The following LMBR1 variants were observed in gnomAD, a reference collection of about 807,000 sequenced individuals.
The protein encoded by LMBR1 is limb region 1 protein homolog.
In LMBR1, 52 loss-of-function variants were observed where a neutral mutation model predicts 73.9. The ratio of observed to expected loss-of-function variants is 0.70; its 90% CI spans 0.56 to 0.89. LMBR1 has a LOEUF of 0.89. Ranked by LOEUF, LMBR1 falls within the 40% of genes least tolerant of loss-of-function variation. The pLI is 0.00. For missense variants in LMBR1, 539 were observed against 579.8 expected (o/e 0.93, Z 0.72); for synonymous variants, 215 against 209.4 (o/e 1.03, Z -0.23).
chr7:156,835,012 C>T (rs1837357200), intron 2 of LMBR1, among the ~76,000 whole-genome samples: 2 of 151,878 alleles, frequency 1.3e-5, no homozygotes, highest in South Asian at 4.2e-4. Context: ...CGGTGGCGGG[C>T]GTCTGTAATC....
chr7:156,713,231 TGAGAGA>T (rs146382877), intron 15 of LMBR1, among the ~76,000 whole-genome samples: 23 of 147,326 alleles, frequency 1.6e-4, no homozygotes, highest in Admixed American at 1.5e-3. Context: ...CTGCCGGGGG[TGAGAGA>T]GAGAGAGAGG....
chr7:156,892,711 A>G, intron 1 of LMBR1: 3 of 304,224 alleles, frequency 9.9e-6, no homozygotes, highest in Non-Finnish European at 1.8e-5. Flanking sequence ...GGGGGCAGGC[A>G]GAGGAAGCGA....
chr7:156,862,315 G>A (rs1374206933), intron 1 of LMBR1, among the ~76,000 whole-genome samples: 2 of 152,102 alleles, frequency 1.3e-5, no homozygotes, highest in Non-Finnish European at 2.9e-5. Context: ...CACAAGAACA[G>A]CAGGGGAAAG....
At chr7:156,847,993 C>T (rs564571556) in intron 1 of LMBR1, among the ~76,000 whole-genome samples, 2 of 151,698 alleles carry the variant, frequency 1.3e-5, no homozygotes, top group South Asian at 2.1e-4. Flanking sequence ...TTCATAATTG[C>T]CAAAACTTGG....
In LMBR1 at chr7:156,763,765, C is replaced by A; in HGVS notation, c.454G>T (p.Val152Phe). 6.2e-7 allele frequency: 1 copy of A among 1,600,776 alleles called. No individual in the cohort carries two copies. The highest frequency in any genetic ancestry group is 1.3e-5 in the African/African-American group (1 of 74,226). Residue 152 changes from valine (V) to phenylalanine (F), a missense_variant, in exon 6 of 17, where the codon GTC becomes TTC. By Grantham distance (50) the Val-to-Phe change is conservative. This residue lies in a region of LMBR1 where 454 missense variants were observed against 473.4 expected (regional missense o/e 0.96). Coordinates refer to ENST00000353442, the MANE Select transcript of LMBR1 (RefSeq NM_022458.4). ...AGTAACGCAAGAAGAAGAAGCATGA[C>A]CAAAGTCTCTAAAATGCGGGCTCGG... is the stretch of plus-strand genomic sequence containing the variant. ...GIRARILETLVMLLLLALLIL... is the reference protein window; with the variant it reads ...GIRARILETLFMLLLLALLIL...
chr7:156,857,643 AG>A (rs1338708539), intron 1 of LMBR1, among the ~76,000 whole-genome samples: 1 of 152,230 alleles, frequency 6.6e-6, no homozygotes, highest in Non-Finnish European at 1.5e-5. Context: ...ATCCAACAAT[AG>A]CACAATATGC....
intron 5 of LMBR1, among the ~76,000 whole-genome samples, chr7:156,774,034 A>G (rs2133092006): frequency 6.6e-6 from 1 of 151,996 alleles, no homozygotes; most frequent in African/African-American, 2.4e-5. Flanking sequence ...AAAAAAAACC[A>G]CACTAAAAAG....
At chr7:156,706,197 T>C (rs1187648707) in intron 15 of LMBR1, among the ~76,000 whole-genome samples, 1 of 142,160 alleles carries the variant, frequency 7.0e-6, no homozygotes, top group Non-Finnish European at 1.5e-5. Flanking sequence ...TATATAATGA[T>C]AAAGGGACCT....
intron 1 of LMBR1, among the ~76,000 whole-genome samples, chr7:156,851,960 A>C (rs1330620803): frequency 1.3e-5 from 2 of 152,186 alleles, no homozygotes; most frequent in Non-Finnish European, 2.9e-5. Context: ...CTCTGATTCA[A>C]TACTGTTATT....
At position 156,684,157 on chromosome 7, in the gene LMBR1, T is replaced by C. The variant is rs773251383; in HGVS notation, c.1394A>G (p.His465Arg). ...TGAAGTATTTGGTAAGTGAAGTTTA[T>C]GAAGCCCTGCAAAAAAATTAAGAAA... ...REELFKALGL[H>R]KLHLPNTSRD... The change falls in exon 17 of 17, where the codon CAT becomes CGT. Residue 465 changes from histidine to arginine, a missense_variant. His to Arg is a conservative substitution (Grantham distance 29). Around this residue, in one of 3 missense-constraint regions of LMBR1, gnomAD observed 69 missense variants for 68.5 expected, o/e 1.01. Coordinates refer to ENST00000353442, the MANE Select transcript of LMBR1 (RefSeq NM_022458.4). The C allele has an allele frequency of 2.5e-6, 4 of 1,613,562 alleles. No homozygotes were observed. The highest frequency in any genetic ancestry group is 3.4e-6 in the Non-Finnish European group (4 of 1,179,666).
intron 9 of LMBR1, among the ~76,000 whole-genome samples, chr7:156,742,935 G>A (rs1819175919): frequency 6.6e-6 from 1 of 152,098 alleles, no homozygotes; most frequent in South Asian, 2.1e-4. Flanking sequence ...TGCAAGGGTG[G>A]TTCAACATAT....
intron 4 of LMBR1, among the ~76,000 whole-genome samples, chr7:156,804,215 C>A (rs1831569859): frequency 1.3e-5 from 2 of 152,166 alleles, no homozygotes; most frequent in African/African-American, 4.8e-5. Context: ...GATATATACT[C>A]TTGTTTTTGT....
At chr7:156,737,772 C>T (rs534810459) in intron 9 of LMBR1, among the ~76,000 whole-genome samples, 77 of 152,124 alleles carry the variant, frequency 5.1e-4, no homozygotes, top group African/African-American at 1.4e-3. Flanking sequence ...AGGATATTGA[C>T]GGATTTGTTT....
At position 156,762,172 on chromosome 7, in the gene LMBR1, T is replaced by G. The variant is rs770397280; in HGVS notation, c.646A>C (p.Met216Leu). The G allele has an allele frequency of 4.3e-5, 70 of 1,610,638 alleles. No homozygotes were observed. Among genetic ancestry groups the G allele is most frequent in the Non-Finnish European group, 5.7e-5 (67 of 1,177,182 alleles). ...AGCAACTGACCCATCACTGTGAACATACGAGAAAGGCCAACTGGTGTACAC... is the reference window on the plus strand; with the variant it reads ...AGCAACTGACCCATCACTGTGAACAGACGAGAAAGGCCAACTGGTGTACAC... ...LLCTPVGLSR[M>L]FTVMGQLLVK... Residue 216 changes from methionine to leucine, a missense_variant, in exon 8 of 17, where the codon ATG becomes CTG. Met to Leu is a conservative substitution (Grantham distance 15). Transcript: ENST00000353442.
rs540259051 is a variant in LMBR1 at position 156,782,239 on chromosome 7, C to T, written c.423+14150G>A. ...TTCATCATACACAGTTGGATTGCTT[C>T]CACCATTTAGGTATTGTGAATAATG... On this transcript the variant is annotated intron_variant, in intron 5 of 16. Coordinates refer to ENST00000353442, the MANE Select transcript of LMBR1 (RefSeq NM_022458.4). Among the ~76,000 whole-genome samples, 3 of 152,278 alleles carry T rather than the reference C, an allele frequency of 2.0e-5. No homozygotes were observed. The South Asian group carries it at 6.2e-4, about 32-fold the overall frequency.
intron 5 of LMBR1, among the ~76,000 whole-genome samples, chr7:156,776,850 C>T (rs1039419953): frequency 8.6e-5 from 13 of 152,012 alleles, no homozygotes; most frequent in African/African-American, 3.1e-4. Flanking sequence ...AGTTTTACTA[C>T]GACATTCCAA....
chr7:156,728,742 T>C, intron 10 of LMBR1, 22 bp from the exon 11 acceptor site: 1 of 1,517,276 alleles, frequency 6.6e-7, no homozygotes, highest in African/African-American at 1.4e-5. Flanking sequence ...AAAAACAAAA[T>C]AAAACAAAGT....
intron 1 of LMBR1, among the ~76,000 whole-genome samples, chr7:156,875,980 T>G (rs1278112036): frequency 6.6e-6 from 1 of 151,692 alleles, no homozygotes; most frequent in African/African-American, 2.4e-5. Flanking sequence ...ATCTCAATAT[T>G]AACATTGGAT....
intron 5 of LMBR1, among the ~76,000 whole-genome samples, chr7:156,782,406 C>A (rs919620786): frequency 1.3e-5 from 2 of 152,294 alleles, no homozygotes; most frequent in African/African-American, 2.4e-5. Flanking sequence ...GTTTTCCACA[C>A]CAGCTCTTCC....
Sources: gnomAD v4.1 joint callset for allele counts (sites outside exome capture counted in the v4.1 genomes callset) on GRCh38, gnomAD v4.1.1 for gene constraint, gnomAD v4.1.1 regional missense constraint, MANE v1.5 for transcripts, NCBI Gene and HGNC (gene_info 2026-07-23, HGNC 2026-07-21) for gene names.